Variants in AKAP19 observed in about 807,000 individuals in gnomAD.
AKAP19 encodes the protein A-kinase anchoring protein 19, also known as small A-kinase anchoring protein.
chr2:189,888,179 A>G, the AKAP19 span, among the ~76,000 whole-genome samples: 1 of 152,368 alleles, frequency 6.6e-6, no homozygotes, highest in Admixed American at 6.5e-5. Flanking sequence ...CTGGCTAGCC[A>G]GTTTTCCAAA....
the AKAP19 span, among the ~76,000 whole-genome samples, chr2:190,112,678 C>G: frequency 4.6e-5 from 7 of 152,078 alleles, no homozygotes; most frequent in South Asian, 8.3e-4. Flanking sequence ...TTAGATCTGG[C>G]CTTTCTGATT....
the AKAP19 span, among the ~76,000 whole-genome samples, chr2:189,929,880 G>C: frequency 6.6e-6 from 1 of 152,108 alleles, no homozygotes; most frequent in East Asian, 1.9e-4. Context: ...AAAGAATTTG[G>C]GGATGGGGAG....
chr2:189,905,720 A>G, the AKAP19 span, among the ~76,000 whole-genome samples: 8 of 152,110 alleles, frequency 5.3e-5, no homozygotes, highest in South Asian at 4.1e-4. Context: ...ATATTTTCCT[A>G]TTTGGGCAAA....
At chr2:189,907,562 G>GTT in the AKAP19 span, among the ~76,000 whole-genome samples, 1 of 151,832 alleles carries the variant, frequency 6.6e-6, no homozygotes, top group East Asian at 1.9e-4. Flanking sequence ...ACGTTTAATG[G>GTT]TTTGTCTCTA....
chr2:190,166,922 T>C, the AKAP19 span, among the ~76,000 whole-genome samples: 1 of 151,882 alleles, frequency 6.6e-6, no homozygotes, highest in Admixed American at 6.6e-5. Flanking sequence ...GAAAAATGAA[T>C]GACATGAGGA....
chr2:190,198,651 AAAAAG>A, the AKAP19 span, among the ~76,000 whole-genome samples: 2 of 150,670 alleles, frequency 1.3e-5, no homozygotes, highest in Non-Finnish European at 3.0e-5. Flanking sequence ...AAAAAAAAAA[AAAAAG>A]GTGTTTTCAG....
chr2:190,140,498 C>T, the AKAP19 span, among the ~76,000 whole-genome samples: 1 of 152,216 alleles, frequency 6.6e-6, no homozygotes, highest in African/African-American at 2.4e-5. Context: ...GTTCCCAAAC[C>T]TCAGTCCTTG....
chr2:189,921,620 T>G, the AKAP19 span, among the ~76,000 whole-genome samples: 2 of 152,170 alleles, frequency 1.3e-5, no homozygotes, highest in Non-Finnish European at 2.9e-5. Flanking sequence ...CCTTCCTATT[T>G]TTAATATGGG....
the AKAP19 span, among the ~76,000 whole-genome samples, chr2:189,938,334 T>A: frequency 7.5e-6 from 1 of 133,892 alleles, no homozygotes; most frequent in Non-Finnish European, 1.6e-5. Flanking sequence ...AGACTCCATC[T>A]CCAAAAAAAA....
the AKAP19 span, among the ~76,000 whole-genome samples, chr2:189,961,229 C>T: frequency 6.6e-6 from 1 of 152,074 alleles, no homozygotes; most frequent in Non-Finnish European, 1.5e-5. Context: ...CATACATACC[C>T]CAATATAGAA....
At chr2:190,062,473 A>G in the AKAP19 span, 5 of 1,613,666 alleles carry the variant, frequency 3.1e-6, no homozygotes, top group Non-Finnish European at 4.2e-6. Flanking sequence ...CTCCAAGTAC[A>G]TGCATTACAC....
At chr2:190,128,705 T>C in the AKAP19 span, among the ~76,000 whole-genome samples, 1 of 152,248 alleles carries the variant, frequency 6.6e-6, no homozygotes, top group Non-Finnish European at 1.5e-5. Flanking sequence ...TCTTTGCATG[T>C]GTTTATGTTC....
At chr2:189,950,886 C>G in the AKAP19 span, among the ~76,000 whole-genome samples, 14 of 152,138 alleles carry the variant, frequency 9.2e-5, no homozygotes, top group Non-Finnish European at 1.3e-4. Flanking sequence ...ACTTACCAAC[C>G]TTTGCCATTT....
chr2:190,202,105 G>A, the AKAP19 span: 1 of 166,966 alleles, frequency 6.0e-6, no homozygotes, highest in Non-Finnish European at 1.5e-5. Flanking sequence ...TTTAATTTCA[G>A]GTTCCTTCTG....
At chr2:190,046,069 G>A in the AKAP19 span, among the ~76,000 whole-genome samples, 1 of 152,190 alleles carries the variant, frequency 6.6e-6, no homozygotes, top group Non-Finnish European at 1.5e-5. Context: ...TTGTTCCCGG[G>A]TGGCCGATTG....
the AKAP19 span, among the ~76,000 whole-genome samples, chr2:189,939,069 G>A: frequency 6.6e-6 from 1 of 152,162 alleles, no homozygotes; most frequent in East Asian, 1.9e-4. Flanking sequence ...CAACCCACAG[G>A]AAGCATTGGG....
chr2:190,165,328 T>C, the AKAP19 span, among the ~76,000 whole-genome samples: 1 of 151,926 alleles, frequency 6.6e-6, no homozygotes, highest in Non-Finnish European at 1.5e-5. Flanking sequence ...TCCCAGATAC[T>C]CGAGAGGCTG....
chr2:189,882,632 G>T, the AKAP19 span, among the ~76,000 whole-genome samples: 1 of 152,124 alleles, frequency 6.6e-6, no homozygotes, highest in South Asian at 2.1e-4. Context: ...TAGGGCAAAG[G>T]AAGCAATCAG....
the AKAP19 span, among the ~76,000 whole-genome samples, chr2:190,029,252 A>G: frequency 7.2e-5 from 11 of 152,046 alleles, no homozygotes; most frequent in Non-Finnish European, 1.6e-4. Context: ...GGGTTTCACC[A>G]TGTTGGTCAG....
Sources: gnomAD v4.1 joint callset for allele counts (sites outside exome capture counted in the v4.1 genomes callset) on GRCh38, gnomAD v4.1.1 for gene constraint, MANE v1.5 for transcripts, NCBI Gene and HGNC (gene_info 2026-07-23, HGNC 2026-07-21) for gene names.